Variants in GALNT13 observed in about 807,000 individuals in gnomAD.
The protein encoded by GALNT13 is UDP-GalNAc:polypeptide N-acetylgalactosaminyltransferase 13.
Under a neutral mutation model 64.2 loss-of-function variants are expected in GALNT13, and 28 were observed. The ratio of observed to expected loss-of-function variants is 0.44; its 90% CI spans 0.32 to 0.60. GALNT13 has a LOEUF of 0.60. GALNT13 is among the 20% of genes least tolerant of loss of function. The probability of loss-of-function intolerance (pLI) is 0.05; values close to 1 mark genes in which losing one functional copy is unlikely to be tolerated. For synonymous variants in GALNT13, 214 were observed against 224.6 expected (o/e 0.95, Z 0.42); for missense variants, 577 against 669.8 (o/e 0.86, Z 1.53).
chr2:154,025,245 G>A (rs148259070), intron 3 of GALNT13, among the ~76,000 whole-genome samples: 5 of 152,192 alleles, frequency 3.3e-5, no homozygotes, highest in South Asian at 2.1e-4. Context: ...GAAATCACCC[G>A]TCTTCTGCGT....
At chr2:153,900,877 T>C (rs1222484036) in intron 1 of GALNT13, 59 bp from the exon 2 acceptor site, 1 of 152,200 alleles carries the variant, frequency 6.6e-6, no homozygotes, top group Non-Finnish European at 1.5e-5. Flanking sequence ...TGGTCTGTAT[T>C]AGTTTTTCTG....
chr2:153,252,157 GC>G, the GALNT13 span, among the ~76,000 whole-genome samples: 1 of 146,414 alleles, frequency 6.8e-6, no homozygotes, highest in Non-Finnish European at 1.5e-5. Flanking sequence ...TTTAATGATT[GC>G]CATTCTAACT....
the GALNT13 span, among the ~76,000 whole-genome samples, chr2:153,650,485 G>T: frequency 9.2e-5 from 14 of 152,140 alleles, no homozygotes; most frequent in Non-Finnish European, 1.9e-4. Flanking sequence ...ATATTGTTAT[G>T]TGTGAATTTG....
the GALNT13 span, among the ~76,000 whole-genome samples, chr2:153,740,868 C>T: frequency 2.0e-5 from 3 of 152,212 alleles, no homozygotes; most frequent in East Asian, 1.9e-4. Context: ...GGGGCAGCCC[C>T]CTTTTAGCTC....
At chr2:153,112,651 T>C in the GALNT13 span, among the ~76,000 whole-genome samples, 1 of 152,102 alleles carries the variant, frequency 6.6e-6, no homozygotes, top group African/African-American at 2.4e-5. Flanking sequence ...ACCAGAATTT[T>C]GAAAATTAAA....
At chr2:154,089,711 T>G (rs188662186) in intron 3 of GALNT13, among the ~76,000 whole-genome samples, 1 of 152,184 alleles carries the variant, frequency 6.6e-6, no homozygotes, top group East Asian at 1.9e-4. Context: ...GTGGCTCAAA[T>G]TCCACAGACT....
the GALNT13 span, among the ~76,000 whole-genome samples, chr2:153,274,610 A>G: frequency 6.6e-6 from 1 of 152,238 alleles, no homozygotes; most frequent in Non-Finnish European, 1.5e-5. Flanking sequence ...TGTGAATACA[A>G]AATGACTCTT....
intron 9 of GALNT13, among the ~76,000 whole-genome samples, chr2:154,364,183 T>C (rs559366281): frequency 4.5e-4 from 69 of 152,120 alleles, no homozygotes; most frequent in Middle Eastern, 3.4e-3. Context: ...AAGGAAATAA[T>C]TTACAACTGT....
chr2:154,265,218 T>G (rs1690925253), intron 8 of GALNT13, among the ~76,000 whole-genome samples: 1 of 151,662 alleles, frequency 6.6e-6, no homozygotes, highest in Admixed American at 6.6e-5. Flanking sequence ...ACAACTTCAT[T>G]AAAAGATACA....
the GALNT13 span, among the ~76,000 whole-genome samples, chr2:153,555,860 A>G: frequency 6.6e-6 from 1 of 152,352 alleles, no homozygotes; most frequent in East Asian, 1.9e-4. Flanking sequence ...ACAGAAGATT[A>G]TAAGAAGATT....
the GALNT13 span, among the ~76,000 whole-genome samples, chr2:153,803,721 AGAAAG>A: frequency 0.019 from 2,910 of 151,230 alleles, 111 homozygotes; most frequent in African/African-American, 0.067. Context: ...AAAAGAAAAA[AGAAAG>A]GAAAGGAACA....
chr2:153,722,505 C>A, the GALNT13 span, among the ~76,000 whole-genome samples: 1 of 148,698 alleles, frequency 6.7e-6, no homozygotes, highest in Non-Finnish European at 1.5e-5. Context: ...TTCAAAAAAT[C>A]AATGAATCCA....
intron 3 of GALNT13, among the ~76,000 whole-genome samples, chr2:154,023,870 G>A (rs1234234132): frequency 1.3e-5 from 2 of 152,168 alleles, no homozygotes; most frequent in Non-Finnish European, 2.9e-5. Flanking sequence ...TCTTTCAGGA[G>A]CTCTTTTAGG....
At chr2:154,216,193 G>C (rs2105811729) in intron 4 of GALNT13, among the ~76,000 whole-genome samples, 1 of 151,974 alleles carries the variant, frequency 6.6e-6, no homozygotes, top group Admixed American at 6.6e-5. Flanking sequence ...CTTTATTTAG[G>C]TTTGAAAACT....
At chr2:154,443,398 A>T (rs1390273594) in intron 12 of GALNT13, among the ~76,000 whole-genome samples, 1 of 152,018 alleles carries the variant, frequency 6.6e-6, no homozygotes, top group East Asian at 1.9e-4. Flanking sequence ...TTTAATTGTT[A>T]TTCTATGCTT....
the GALNT13 span, among the ~76,000 whole-genome samples, chr2:153,848,035 T>C: frequency 6.6e-6 from 1 of 152,150 alleles, no homozygotes; most frequent in Non-Finnish European, 1.5e-5. Flanking sequence ...GAGATGGAAA[T>C]GTTCAGGTAC....
intron 9 of GALNT13, among the ~76,000 whole-genome samples, chr2:154,380,839 A>G (rs189712624): frequency 1.3e-5 from 2 of 152,096 alleles, no homozygotes; most frequent in African/African-American, 4.8e-5. Flanking sequence ...CTGGGGAAGA[A>G]TCTGCTTCCA....
chr2:154,020,983 T>C (rs1486150091), intron 3 of GALNT13, among the ~76,000 whole-genome samples: 2 of 152,194 alleles, frequency 1.3e-5, no homozygotes, highest in Admixed American at 1.3e-4. Flanking sequence ...CTTGTTTTTG[T>C]GAGGTTTGTC....
At chr2:153,508,578 C>A in the GALNT13 span, among the ~76,000 whole-genome samples, 1 of 152,156 alleles carries the variant, frequency 6.6e-6, no homozygotes, top group Non-Finnish European at 1.5e-5. Flanking sequence ...TGTACTCCCC[C>A]AACAACACTG....
Sources: allele counts gnomAD v4.1 joint callset (sites outside exome capture counted in the v4.1 genomes callset), GRCh38; gene constraint gnomAD v4.1.1; transcripts MANE v1.5; gene names NCBI Gene and HGNC (gene_info 2026-07-23, HGNC 2026-07-21).